Variants in SPDYA observed in about 807,000 individuals in gnomAD.
SPDYA encodes speedy/RINGO cell cycle regulator family member A, also known as speedy protein A.
A neutral mutation model predicts 36.7 loss-of-function variants in SPDYA; 11 were observed. The ratio of observed to expected loss-of-function variants is 0.30; its 90% CI spans 0.19 to 0.50. SPDYA has a LOEUF of 0.50. Ranked by LOEUF, SPDYA falls within the 20% of genes least tolerant of loss-of-function variation. The probability of loss-of-function intolerance (pLI) is 0.98; values close to 1 mark genes in which losing one functional copy is unlikely to be tolerated. For synonymous variants in SPDYA, 115 were observed against 118.7 expected (o/e 0.97, Z 0.20); for missense variants, 287 against 370.9 (o/e 0.77, Z 1.86).
At chr2:28,829,957 AAAGAAAAG>A (rs1487625645) in intron 6 of SPDYA, among the ~76,000 whole-genome samples, 4 of 103,978 alleles carry the variant, frequency 3.8e-5, no homozygotes, top group Non-Finnish European at 5.8e-5. Context: ...AAAAAAAAAA[AAAGAAAAG>A]AAAAGAAAAA....
chr2:28,817,468 G>T (rs1033319981), intron 3 of SPDYA, among the ~76,000 whole-genome samples: 2 of 152,110 alleles, frequency 1.3e-5, no homozygotes, highest in Admixed American at 1.3e-4. Context: ...GGCTGAGGCA[G>T]GAGAATCGCT....
chr2:28,821,258 G>A (rs1410131616), intron 4 of SPDYA, among the ~76,000 whole-genome samples: 1 of 136,116 alleles, frequency 7.3e-6, no homozygotes, highest in Non-Finnish European at 1.5e-5. Flanking sequence ...GGAGTGCAGT[G>A]GCGTGATCTC....
At position 28,850,184 on chromosome 2, in the gene SPDYA, T is replaced by C; in HGVS notation, c.*243T>C. On this transcript the variant is annotated 3_prime_UTR_variant, in exon 8 of 8. Coordinates refer to ENST00000334056, the MANE Select transcript of SPDYA (RefSeq NM_182756.4). ...ATTTTTCCATCTTCAAGTCAGTTACTGTCATCTGGAGTACTCAGTTAAGTT... is the reference window on the plus strand; with the variant it reads ...ATTTTTCCATCTTCAAGTCAGTTACCGTCATCTGGAGTACTCAGTTAAGTT... The C allele has an allele frequency of 6.2e-7, 1 of 1,604,828 alleles. No individual in the cohort carries two copies. Among genetic ancestry groups the C allele is most frequent in the Non-Finnish European group, 8.5e-7 (1 of 1,175,212 alleles).
intron 4 of SPDYA, among the ~76,000 whole-genome samples, chr2:28,821,129 C>A (rs1414647082): frequency 4.7e-5 from 7 of 149,248 alleles, no homozygotes; most frequent in Non-Finnish European, 1.5e-5. Flanking sequence ...TTAAAATTAA[C>A]AGTAATGCTG....
chr2:28,823,207 T>A (rs1260033136), intron 5 of SPDYA, among the ~76,000 whole-genome samples: 1 of 152,216 alleles, frequency 6.6e-6, no homozygotes, highest in Non-Finnish European at 1.5e-5. Context: ...CACACTGAGC[T>A]GTGACAAAGG....
At chr2:28,812,575 G>C (rs993609807) in intron 1 of SPDYA, among the ~76,000 whole-genome samples, 10 of 151,782 alleles carry the variant, frequency 6.6e-5, no homozygotes, top group African/African-American at 2.4e-4. Flanking sequence ...CACTGAAGGA[G>C]GCCGAGCATG....
chr2:28,833,440 A>T (rs1203911532), intron 6 of SPDYA, among the ~76,000 whole-genome samples: 1 of 152,200 alleles, frequency 6.6e-6, no homozygotes, highest in Non-Finnish European at 1.5e-5. Flanking sequence ...AAATATCAGT[A>T]TGCTTCACTT....
intron 6 of SPDYA, among the ~76,000 whole-genome samples, chr2:28,833,682 C>T (rs957963139): frequency 1.6e-4 from 24 of 152,054 alleles, no homozygotes; most frequent in Non-Finnish European, 3.2e-4. Context: ...AGAATGAAGC[C>T]GAACCTCTGG....
rs192641332 is a variant in SPDYA, at chr2:28,836,985, T to C, written c.553-3187T>C. Among the ~76,000 whole-genome samples the C allele has an allele frequency of 4.6e-5, 7 of 152,350 alleles. No homozygotes were observed. The East Asian group carries it at 1.3e-3, about 29-fold the overall frequency. On this transcript the variant is annotated intron_variant, in intron 6 of 7. Transcript: ENST00000334056. ...GGTAGCAATTTAATCAAGAAGTTTT[T>C]CTCTATTCCCGTTAATACTCTGGCC... is the stretch of plus-strand genomic sequence containing the variant.
At chr2:28,824,216 G>C (rs1040374537) in intron 5 of SPDYA, among the ~76,000 whole-genome samples, 1 of 151,868 alleles carries the variant, frequency 6.6e-6, no homozygotes, top group African/African-American at 2.4e-5. Context: ...AGTGGCTTAC[G>C]CCTGTAATCC....
chr2:28,845,253 T>C (rs965883855), intron 7 of SPDYA, among the ~76,000 whole-genome samples: 16 of 151,480 alleles, frequency 1.1e-4, no homozygotes, highest in Middle Eastern at 3.4e-3. Flanking sequence ...GCCCAGCTTT[T>C]TTTTTTTTTT....
intron 6 of SPDYA, among the ~76,000 whole-genome samples, chr2:28,833,200 T>A (rs144216519): frequency 3.1e-4 from 47 of 152,288 alleles, no homozygotes; most frequent in Middle Eastern, 3.4e-3. Context: ...TCATGACTTC[T>A]CTACTCAAAA....
intron 4 of SPDYA, among the ~76,000 whole-genome samples, chr2:28,819,846 AAAAATATATATATATATATATAT>A (rs1330368640): frequency 2.4e-3 from 65 of 26,952 alleles, no homozygotes; most frequent in South Asian, 7.1e-3. Context: ...AAAAAAAAAA[AAAAATATATATATATATATATAT>A]ATATATATAT....
rs562108802 is a variant in SPDYA, at chr2:28,812,143, T to G, written c.-93+1196T>G. 7.2e-5 allele frequency among the ~76,000 whole-genome samples: 11 copies of G among 152,314 alleles called. No individual in the cohort carries two copies. The South Asian group carries it at 2.1e-3, about 29-fold the overall frequency. On this transcript the variant is annotated intron_variant, in intron 1 of 7. Transcript: ENST00000334056. ...TAACTTCTTTAAGCCTCAAATTTCT[T>G]ATCTAGAAAATAAGGATAAAATAAT...
At chr2:28,816,949 G>C (rs1667998322) in intron 3 of SPDYA, among the ~76,000 whole-genome samples, 1 of 151,900 alleles carries the variant, frequency 6.6e-6, no homozygotes, top group Non-Finnish European at 1.5e-5. Context: ...TTGGAGTAAT[G>C]AATCAAGTCA....
chr2:28,847,093 A>T (rs1668896540), intron 7 of SPDYA, among the ~76,000 whole-genome samples: 1 of 152,256 alleles, frequency 6.6e-6, no homozygotes, highest in South Asian at 2.1e-4. Context: ...CTGTAATCCC[A>T]GCAGTTTGGG....
intron 4 of SPDYA, among the ~76,000 whole-genome samples, chr2:28,822,118 T>C (rs1376773865): frequency 6.6e-6 from 1 of 152,194 alleles, no homozygotes; most frequent in African/African-American, 2.4e-5. Flanking sequence ...TTCTAGTTTA[T>C]AATGATATAA....
intron 7 of SPDYA, among the ~76,000 whole-genome samples, chr2:28,847,953 A>G (rs187144904): frequency 6.6e-6 from 1 of 152,266 alleles, no homozygotes; most frequent in East Asian, 1.9e-4. Context: ...CCAGGTTTGC[A>G]GTCTAGAAGT....
rs1370246613 is a variant in SPDYA, at chr2:28,819,179, T to G, written c.294+73T>G. On this transcript the variant is annotated intron_variant, in intron 4 of 7. Transcript: ENST00000334056. ...GAACCATTAGAGCTTTAATGAGACCTTATAAGAATTTTCTATCTTATTAGT... is the reference window on the plus strand; with the variant it reads ...GAACCATTAGAGCTTTAATGAGACCGTATAAGAATTTTCTATCTTATTAGT... 1.3e-5 allele frequency: 14 copies of G among 1,118,588 alleles called. No homozygotes were observed. In the Middle Eastern group the frequency reaches 8.9e-4, roughly 71 times the overall value. The allele number at this position is 1,118,588 out of a possible 1,614,324, so 69.3% of individuals were successfully genotyped here.
Sources: allele counts gnomAD v4.1 joint callset (sites outside exome capture counted in the v4.1 genomes callset), GRCh38; gene constraint gnomAD v4.1.1; transcripts MANE v1.5; gene names NCBI Gene and HGNC (gene_info 2026-07-23, HGNC 2026-07-21).